Variants in IQSEC1 observed in about 807,000 individuals in gnomAD.
IQSEC1 encodes IQ motif and Sec7 domain ArfGEF 1.
Under a neutral mutation model 91.0 loss-of-function variants are expected in IQSEC1, and 31 were observed. That is an observed-to-expected ratio of 0.34 (90% CI 0.26 to 0.46). The LOEUF (loss-of-function observed/expected upper bound fraction) is 0.46, where lower values mean the gene tolerates loss of function less well. IQSEC1 is among the 20% of genes least tolerant of loss of function. IQSEC1 has a pLI of 1.00. For synonymous variants in IQSEC1, 699 were observed against 662.6 expected (o/e 1.05, Z -0.84); for missense variants, 1,388 against 1,575.6 (o/e 0.88, Z 2.02).
intron 2 of IQSEC1, among the ~76,000 whole-genome samples, chr3:13,125,708 G>T (rs1706501787): frequency 6.6e-6 from 1 of 152,218 alleles, no homozygotes; most frequent in African/African-American, 2.4e-5. Flanking sequence ...TTCCGCTTGT[G>T]GGGGATAAGG....
At chr3:13,273,428 C>T (rs546322156) in intron 1 of IQSEC1, among the ~76,000 whole-genome samples, 5 of 152,196 alleles carry the variant, frequency 3.3e-5, no homozygotes, top group South Asian at 2.1e-4. Flanking sequence ...AAGAACTCCC[C>T]GTTTCAAGAA....
intron 1 of IQSEC1, among the ~76,000 whole-genome samples, chr3:13,180,845 G>A (rs529887664): frequency 7.2e-5 from 11 of 152,046 alleles, no homozygotes; most frequent in South Asian, 2.1e-4. Flanking sequence ...AAGAAACTCC[G>A]AACACATTCG....
Position 13,035,254 on chromosome 3 carries a change from C to T in IQSEC1, c.23+37738G>A, listed in dbSNP as rs1406684391. 2.0e-5 allele frequency among the ~76,000 whole-genome samples: 3 copies of T among 152,218 alleles called. No individual in the cohort carries two copies. The East Asian group carries it at 5.8e-4, about 29-fold the overall frequency. ...GACCTCCTAAGAGTGGCTCAGTAAA[C>T]TCCCTTTTTGCTGTAGTTGGCCTGT... On this transcript the variant is annotated intron_variant, in intron 1 of 13. Coordinates refer to ENST00000613206, the MANE Select transcript of IQSEC1 (RefSeq NM_001134382.3).
At chr3:12,993,245 A>C (rs1213533795) in intron 1 of IQSEC1, among the ~76,000 whole-genome samples, 1 of 152,138 alleles carries the variant, frequency 6.6e-6, no homozygotes, top group Non-Finnish European at 1.5e-5. Flanking sequence ...CCACGTGGTA[A>C]TGGCAGGAGG....
At chr3:13,176,080 C>T (rs762225880) in intron 1 of IQSEC1, among the ~76,000 whole-genome samples, 12 of 152,206 alleles carry the variant, frequency 7.9e-5, no homozygotes, top group Admixed American at 3.9e-4. Flanking sequence ...TGTGATTGCT[C>T]GCTCTGGGGA....
intron 1 of IQSEC1, among the ~76,000 whole-genome samples, chr3:13,263,223 T>G (rs977620551): frequency 6.6e-6 from 1 of 151,538 alleles, no homozygotes; most frequent in Non-Finnish European, 1.5e-5. Context: ...CACTTCAGCC[T>G]AGGTGATAGA....
At chr3:12,973,158 G>A (rs944522166) in intron 1 of IQSEC1, among the ~76,000 whole-genome samples, 4 of 152,098 alleles carry the variant, frequency 2.6e-5, no homozygotes, top group Admixed American at 6.5e-5. Context: ...GGTTTCCTAC[G>A]TGACACTGAA....
Position 13,223,571 on chromosome 3 carries a change from C to G in IQSEC1, c.272+59140G>C, listed in dbSNP as rs570551061. ...AGGTGGGTAGGTCCCACCCTCCCAG[C>G]AGAAGGGCAGGAAAAACTGGCCTCC... On this transcript the variant is annotated intron_variant, in intron 1 of 15. Coordinates refer to the IQSEC1 transcript ENST00000648114. 2.4e-4 allele frequency among the ~76,000 whole-genome samples: 37 copies of G among 152,278 alleles called. 1 individual carries two copies. Among genetic ancestry groups the G allele is most frequent in the African/African-American group, 7.9e-4 (33 of 41,548 alleles).
chr3:12,946,472 C>G (rs1699189167), intron 1 of IQSEC1, among the ~76,000 whole-genome samples: 1 of 152,240 alleles, frequency 6.6e-6, no homozygotes, highest in Non-Finnish European at 1.5e-5. Flanking sequence ...CGCCCAGCCC[C>G]TTTCCATAGA....
chr3:13,175,157 G>A (rs1316184204), intron 1 of IQSEC1, among the ~76,000 whole-genome samples: 1 of 152,130 alleles, frequency 6.6e-6, no homozygotes, highest in Non-Finnish European at 1.5e-5. Flanking sequence ...AACCACTGCT[G>A]AGCTTCCAGG....
At chr3:12,985,496 C>G (rs965351163) in intron 1 of IQSEC1, among the ~76,000 whole-genome samples, 3 of 152,114 alleles carry the variant, frequency 2.0e-5, no homozygotes, top group East Asian at 1.9e-4. Flanking sequence ...ACAATCCCCC[C>G]CCCCCCGCCA....
intron 2 of IQSEC1, among the ~76,000 whole-genome samples, chr3:13,102,104 CCT>C (rs1491260174): frequency 6.6e-6 from 1 of 151,240 alleles, no homozygotes; most frequent in African/African-American, 2.4e-5. Flanking sequence ...GTGGCGAGAC[CCT>C]GTCTCTACAA....
intron 1 of IQSEC1, among the ~76,000 whole-genome samples, chr3:13,255,181 G>C (rs1028323802): frequency 1.3e-5 from 2 of 152,172 alleles, no homozygotes; most frequent in African/African-American, 4.8e-5. Context: ...ACGCATGGCT[G>C]ACCACCCCCC....
At chr3:13,114,595 C>T (rs1464701938) in intron 2 of IQSEC1, among the ~76,000 whole-genome samples, 1 of 152,174 alleles carries the variant, frequency 6.6e-6, no homozygotes, top group East Asian at 1.9e-4. Context: ...AGTTCAATAT[C>T]GGCCTGGGCA....
At chr3:13,222,852 T>C (rs1694687844) in intron 1 of IQSEC1, among the ~76,000 whole-genome samples, 1 of 152,178 alleles carries the variant, frequency 6.6e-6, no homozygotes, top group African/African-American at 2.4e-5. Flanking sequence ...GGAACTGCTC[T>C]CTGAGGGGCA....
At chr3:13,237,492 C>T (rs1694951865) in intron 1 of IQSEC1, among the ~76,000 whole-genome samples, 1 of 152,204 alleles carries the variant, frequency 6.6e-6, no homozygotes, top group South Asian at 2.1e-4. Context: ...ATGGAGCTAT[C>T]GCACGAGGGA....
In IQSEC1 at chr3:13,008,291, C is replaced by T. The variant is rs905447050; in HGVS notation, c.23+64701G>A. Reference sequence around the variant, plus strand: ...GTCGAAGCTCAGAGGTGAGCCTCAGCTGACCCTCCCTCCAGCAAATGTTTA... The same window carrying T: ...GTCGAAGCTCAGAGGTGAGCCTCAGTTGACCCTCCCTCCAGCAAATGTTTA... On this transcript the variant is annotated intron_variant, in intron 1 of 13. Transcript: ENST00000613206. This position sits in a 1 kb window ranked among gnomAD's most constrained non-coding sequence, Gnocchi z 4.1. Among the ~76,000 whole-genome samples, 5 of 151,640 alleles carry T rather than the reference C, an allele frequency of 3.3e-5. No homozygotes were observed. The highest frequency in any genetic ancestry group is 7.4e-5 in the Non-Finnish European group (5 of 67,556).
rs1707052182 is a variant in IQSEC1, at chr3:13,154,458, T to TATATATAC, written c.302+9645_302+9646insGTATATAT. ...ACATGCATATATATATATATATATA[T>TATATATAC]ATATATATATATATATATGCAAAAA... On this transcript the variant is annotated intron_variant, in intron 2 of 15. Transcript: ENST00000648114. Among the ~76,000 whole-genome samples the TATATATAC allele has an allele frequency of 3.7e-5, 2 of 53,402 alleles. 1 individual carries two copies. The highest frequency in any genetic ancestry group is 1.8e-4 in the African/African-American group (2 of 10,844). The allele number at this position is 53,402 out of a possible 152,430, so 35.0% of individuals were successfully genotyped here.
At chr3:12,954,975 G>A (rs1559669333) in intron 1 of IQSEC1, among the ~76,000 whole-genome samples, 1 of 152,204 alleles carries the variant, frequency 6.6e-6, no homozygotes, top group Non-Finnish European at 1.5e-5. Flanking sequence ...CAGGGCTGCT[G>A]CTCTCTCATT....
Sources: allele counts gnomAD v4.1 joint callset (sites outside exome capture counted in the v4.1 genomes callset), GRCh38; gene constraint gnomAD v4.1.1; non-coding constraint Gnocchi (gnomAD v3.1); transcripts MANE v1.5; gene names NCBI Gene and HGNC (gene_info 2026-07-23, HGNC 2026-07-21).